Variants in SNTG2 observed in about 807,000 individuals in gnomAD.
SNTG2 encodes the protein syntrophin gamma 2.
A neutral mutation model predicts 70.9 loss-of-function variants in SNTG2; 74 were observed. That is an observed-to-expected ratio of 1.04 (90% CI 0.86 to 1.27). The LOEUF (loss-of-function observed/expected upper bound fraction) is 1.27, where lower values mean the gene tolerates loss of function less well. SNTG2 is among the 50% of genes most tolerant of loss of function. SNTG2 has a pLI of 0.00. For synonymous variants in SNTG2, 278 were observed against 273.8 expected, an observed-to-expected ratio of 1.02 and a Z score of -0.15; for missense variants, 717 against 690.7, an observed-to-expected ratio of 1.04 and a Z score of -0.43.
At position 1,103,391 on chromosome 2, in the gene SNTG2, A is replaced by AT. The variant is rs759853114; in HGVS notation, c.325+4992dup. 5.7e-3 allele frequency: 1,337 copies of AT among 233,320 alleles called. 1 individual carries two copies. The highest frequency in any genetic ancestry group is 8.0e-3 in the South Asian group (174 of 21,646). The allele number at this position is 233,320 out of a possible 1,614,324, so 14.5% of individuals were successfully genotyped here. On this transcript the variant is annotated intron_variant, in intron 4 of 16. Transcript: ENST00000308624. ...TGATTATAAATTTCTTTTTTTTTTT[A>AT]TTTTTTTTTTTAGATGGAGTCTTGC...
chr2:1,154,788 T>A (rs942166924), intron 6 of SNTG2, among the ~76,000 whole-genome samples: 12 of 151,986 alleles, frequency 7.9e-5, no homozygotes, highest in Admixed American at 7.2e-4. Context: ...ACCTTCCTTC[T>A]ACCTCCAACA....
intron 9 of SNTG2, among the ~76,000 whole-genome samples, chr2:1,236,855 GTTTGC>G (rs998172937): frequency 5.3e-5 from 8 of 152,080 alleles, no homozygotes; most frequent in African/African-American, 1.9e-4. Flanking sequence ...AAAAAAATAT[GTTTGC>G]TTTGTTCTGT....
At chr2:1,066,433 G>A (rs528654885) in intron 1 of SNTG2, among the ~76,000 whole-genome samples, 3 of 152,068 alleles carry the variant, frequency 2.0e-5, no homozygotes, top group East Asian at 1.9e-4. Context: ...TTGAGTTCTC[G>A]GTGCGTCTCA....
chr2:1,215,603 G>A (rs962101148), intron 9 of SNTG2, among the ~76,000 whole-genome samples: 1 of 150,502 alleles, frequency 6.6e-6, no homozygotes, highest in Admixed American at 6.6e-5. Flanking sequence ...CGTGCACAAC[G>A]TGCAGGTTCG....
intron 9 of SNTG2, among the ~76,000 whole-genome samples, chr2:1,227,903 A>G (rs1477632459): frequency 6.6e-6 from 1 of 152,208 alleles, no homozygotes; most frequent in Non-Finnish European, 1.5e-5. Context: ...TCTGCTGGGC[A>G]GGTCGGACTC....
chr2:1,324,293 T>C (rs1681672471), intron 16 of SNTG2, among the ~76,000 whole-genome samples: 1 of 152,238 alleles, frequency 6.6e-6, no homozygotes, highest in Non-Finnish European at 1.5e-5. Flanking sequence ...CTGATTTTCA[T>C]AGCTGCTGTT....
chr2:1,200,177 C>A (rs1673187210), intron 8 of SNTG2, among the ~76,000 whole-genome samples: 2 of 151,690 alleles, frequency 1.3e-5, no homozygotes, highest in Admixed American at 6.6e-5. Flanking sequence ...GACACAGAGA[C>A]CAATAAAATA....
At chr2:1,325,076 G>A (rs562697644) in intron 16 of SNTG2, among the ~76,000 whole-genome samples, 52 of 152,172 alleles carry the variant, frequency 3.4e-4, no homozygotes, top group Admixed American at 1.0e-3. Flanking sequence ...CTATTTACTG[G>A]CCCTATAAAG....
intron 1 of SNTG2, among the ~76,000 whole-genome samples, chr2:1,002,298 A>G (rs923782573): frequency 1.3e-5 from 2 of 152,174 alleles, no homozygotes; most frequent in Non-Finnish European, 2.9e-5. Flanking sequence ...GAAAGACAAA[A>G]TTGACATAGT....
chr2:1,294,971 C>T (rs1558185307), intron 14 of SNTG2, among the ~76,000 whole-genome samples: 1 of 152,206 alleles, frequency 6.6e-6, no homozygotes, highest in Non-Finnish European at 1.5e-5. Flanking sequence ...TGACCTGGCT[C>T]CCTCTGGGAT....
chr2:1,234,365 A>T (rs1316063595), intron 9 of SNTG2, among the ~76,000 whole-genome samples: 1 of 152,228 alleles, frequency 6.6e-6, no homozygotes, highest in Non-Finnish European at 1.5e-5. Context: ...ATTCATGTCA[A>T]CAACTTTCAC....
At chr2:1,090,079 G>T (rs561468846) in intron 2 of SNTG2, among the ~76,000 whole-genome samples, 3 of 152,104 alleles carry the variant, frequency 2.0e-5, no homozygotes, top group South Asian at 2.1e-4. Context: ...TTTTTCAATT[G>T]TAGATAAATG....
At chr2:1,192,846 G>A (rs187083171) in intron 8 of SNTG2, among the ~76,000 whole-genome samples, 79 of 152,276 alleles carry the variant, frequency 5.2e-4, no homozygotes, top group Admixed American at 1.3e-3. Flanking sequence ...AAATGTGTAC[G>A]TTCACTGTCA....
intron 4 of SNTG2, among the ~76,000 whole-genome samples, chr2:1,105,242 A>G (rs115673744): frequency 0.016 from 2,412 of 152,144 alleles, 63 homozygotes; most frequent in African/African-American, 0.056. Flanking sequence ...GGGTGGCCCC[A>G]CTTGCATTTT....
In SNTG2 at chr2:1,320,832, C is replaced by T. The variant is rs141571068; in HGVS notation, c.1488+4457C>T. Among the ~76,000 whole-genome samples, 1,413 of 152,246 alleles carry T rather than the reference C, an allele frequency of 9.3e-3. 26 individuals carry two copies. The highest frequency in any genetic ancestry group is 0.032 in the African/African-American group (1,341 of 41,544). On this transcript the variant is annotated intron_variant, in intron 16 of 16. Coordinates refer to ENST00000308624, the MANE Select transcript of SNTG2 (RefSeq NM_018968.4). Reference sequence around the variant, plus strand: ...GGCGCTCACTGCACAGGGGAAGCTGCCCTTCCCCAATTCCCACGAAAGATA... The same window carrying T: ...GGCGCTCACTGCACAGGGGAAGCTGTCCTTCCCCAATTCCCACGAAAGATA...
intron 8 of SNTG2, among the ~76,000 whole-genome samples, chr2:1,177,124 A>G (rs1327461986): frequency 6.6e-6 from 1 of 152,222 alleles, no homozygotes; most frequent in African/African-American, 2.4e-5. Flanking sequence ...TGTGGTAGAG[A>G]TACACCATGG....
chr2:1,327,060 G>T (rs1572987372), intron 16 of SNTG2, among the ~76,000 whole-genome samples: 1 of 151,798 alleles, frequency 6.6e-6, no homozygotes, highest in South Asian at 2.1e-4. Context: ...TATACTCTCT[G>T]TATATAGAAT....
intron 1 of SNTG2, among the ~76,000 whole-genome samples, chr2:1,039,543 T>G (rs756436828): frequency 7.2e-5 from 11 of 152,178 alleles, no homozygotes; most frequent in Non-Finnish European, 1.5e-4. Flanking sequence ...AGTAGGTCAT[T>G]ATTGACTGGT....
intron 1 of SNTG2, among the ~76,000 whole-genome samples, chr2:1,021,936 C>CTTTTTTTTT (rs71392556): frequency 2.5e-5 from 3 of 121,114 alleles, no homozygotes; most frequent in Non-Finnish European, 3.3e-5. Flanking sequence ...GTTTTATGTG[C>CTTTTTTTTT]TTTTTTTTTT....
Sources: gnomAD v4.1 joint callset for allele counts (sites outside exome capture counted in the v4.1 genomes callset) on GRCh38, gnomAD v4.1.1 for gene constraint, MANE v1.5 for transcripts, NCBI Gene and HGNC (gene_info 2026-07-23, HGNC 2026-07-21) for gene names.